MMP15: variants seen among roughly 807,000 people sequenced by gnomAD.
MMP15 encodes the protein matrix metalloproteinase-15.
Under a neutral mutation model 65.0 loss-of-function variants are expected in MMP15, and 36 were observed. That is an observed-to-expected ratio of 0.55 (90% CI 0.42 to 0.73). MMP15 has a LOEUF of 0.73. MMP15 is among the 30% of genes least tolerant of loss of function. The pLI, the probability that MMP15 is intolerant of heterozygous loss-of-function variation, is 0.00. For synonymous variants in MMP15, 428 were observed against 410.2 expected (o/e 1.04, Z -0.52); for missense variants, 870 against 987.8 (o/e 0.88, Z 1.60).
At chr16:58,040,252 G>A in intron 4 of MMP15, 70 bp downstream of exon 4, 1 of 1,493,152 alleles carries the variant, frequency 6.7e-7, no homozygotes, top group Non-Finnish European at 9.0e-7. Flanking sequence ...ACCCTGCTGA[G>A]TGGGTTCAGC....
chr16:58,045,552 C>A lies in MMP15; in HGVS notation c.*106C>A. On this transcript the variant is annotated 3_prime_UTR_variant, in exon 10 of 10. Transcript: ENST00000219271. ...GTAGGGGCCCCTCTCAGCCCTCACA[C>A]ACCCTGTCTGCCCCGCCCTCATTAT... is the stretch of plus-strand genomic sequence containing the variant. 1.1e-6 allele frequency: 1 copy of A among 887,822 alleles called. No homozygotes were observed. The highest frequency in any genetic ancestry group is 1.7e-6 in the Non-Finnish European group (1 of 599,364). The allele number at this position is 887,822 out of a possible 1,614,324, so 55.0% of individuals were successfully genotyped here. A position where few individuals can be genotyped will look rare whatever the true frequency, so the allele number is the denominator to read the frequency against.
intron 6 of MMP15, 89 bp downstream of exon 6, chr16:58,041,959 G>A (rs1397758512): frequency 1.4e-6 from 2 of 1,435,954 alleles, no homozygotes; most frequent in Non-Finnish European, 1.9e-6. Context: ...AGGCCCCGGG[G>A]AGCCATTAAG....
intron 3 of MMP15, 50 bp downstream of exon 3, chr16:58,038,444 C>T: frequency 1.2e-6 from 2 of 1,606,286 alleles, no homozygotes; most frequent in South Asian, 1.1e-5. Flanking sequence ...GCAGGCCGAG[C>T]CTCAGACCTC....
At chr16:58,029,303 CG>C (rs922614664) in intron 1 of MMP15, among the ~76,000 whole-genome samples, 2 of 152,094 alleles carry the variant, frequency 1.3e-5, no homozygotes, top group Non-Finnish European at 2.9e-5. Flanking sequence ...ATGCTGGCTC[CG>C]GGGGGGCCCC....
At chr16:58,034,112 C>G (rs1329835282) in intron 1 of MMP15, among the ~76,000 whole-genome samples, 1 of 152,260 alleles carries the variant, frequency 6.6e-6, no homozygotes, top group African/African-American at 2.4e-5. Context: ...GCCTCAGTTT[C>G]CTCACTTGAG....
chr16:58,027,307 G>A (rs1963836458), intron 1 of MMP15, among the ~76,000 whole-genome samples: 1 of 152,218 alleles, frequency 6.6e-6, no homozygotes, highest in Non-Finnish European at 1.5e-5. Context: ...GTGACCAGGC[G>A]CGACATCCCG....
intron 7 of MMP15, 77 bp from the exon 8 acceptor site, chr16:58,043,133 C>A: frequency 1.4e-6 from 2 of 1,382,218 alleles, no homozygotes; most frequent in Non-Finnish European, 1.9e-6. Context: ...TTTTGTGGGC[C>A]CAGAAGAGCA....
chr16:58,037,882 T>C (rs1032866478), intron 2 of MMP15, among the ~76,000 whole-genome samples: 2 of 152,104 alleles, frequency 1.3e-5, no homozygotes, highest in Non-Finnish European at 1.5e-5. Context: ...CAGGGGAGTG[T>C]GGAGGTACAG....
rs1488681335 is a variant in MMP15, at chr16:58,037,639, C to T, written c.311+19C>T. ...CCAAGGAGTGAGTTCCCCCCACCAT[C>T]CACACCCCACAGGCACCTGCCTTCC... On this transcript the variant is annotated intron_variant, in intron 2 of 9. Transcript: ENST00000219271. 6.2e-7 allele frequency: 1 copy of T among 1,613,856 alleles called. No homozygotes were observed.
chr16:58,040,634 G>A lies in MMP15; in HGVS notation c.846G>A (p.Gln282=), dbSNP rs1384194372. Residue 282 remains glutamine (Q), a synonymous_variant, in exon 5 of 10, where the codon CAG becomes CAA. Coordinates refer to ENST00000219271, the MANE Select transcript of MMP15 (RefSeq NM_002428.4). ...ATGCCATCATGGCGCCGTTCTACCA[G>A]TGGAAGGACGTTGACAACTTCAAGC... ...NPNAIMAPFY[Q]WKDVDNFKLP... is the part of the protein sequence containing the mutation. The A allele has an allele frequency of 1.2e-6, 2 of 1,614,224 alleles. No homozygotes were observed. Among genetic ancestry groups the A allele is most frequent in the Admixed American group, 1.7e-5 (1 of 60,038 alleles).
chr16:58,035,593 T>C (rs893546434), intron 1 of MMP15, among the ~76,000 whole-genome samples: 2 of 152,200 alleles, frequency 1.3e-5, no homozygotes, highest in Non-Finnish European at 2.9e-5. Flanking sequence ...ACCCAGGAGA[T>C]GAGGCAGGTC....
At position 58,043,250 on chromosome 16, in the gene MMP15, C is replaced by T. The variant is rs151142416; in HGVS notation, c.1344C>T (p.Pro448=). 1.8e-5 allele frequency: 29 copies of T among 1,601,004 alleles called. No homozygotes were observed. Among genetic ancestry groups the T allele is most frequent in the South Asian group, 1.0e-4 (9 of 89,176 alleles). ...TCTTTCGAGAAGCGAACCTGGAGCC[C>T]GGCTACCCACAGCCGCTGACCAGCT... The part of the protein sequence containing the change: ...YWLFREANLE[P]GYPQPLTSYG... The change falls in exon 8 of 10, where the codon CCC becomes CCT. Residue 448 remains proline, a synonymous_variant. Transcript: ENST00000219271.
In MMP15 at chr16:58,026,182, C is replaced by G. The variant is rs947197070; in HGVS notation, c.-169C>G. On this transcript the variant is annotated 5_prime_UTR_variant, in exon 1 of 10. Coordinates refer to ENST00000219271, the MANE Select transcript of MMP15 (RefSeq NM_002428.4). ...TCCCGGACCTGCCCTGCCCGCTTCT[C>G]CTCGGGCTTGGGAATTTGCCGAGGC... 1 of 687,690 alleles carries G rather than the reference C, an allele frequency of 1.5e-6. No homozygotes were observed. The highest frequency in any genetic ancestry group is 1.9e-5 in the African/African-American group (1 of 53,766). The allele number at this position is 687,690 out of a possible 1,614,324, so 42.6% of individuals were successfully genotyped here.
In MMP15 at chr16:58,045,464, TAA is replaced by T. The variant is rs1241758265; in HGVS notation, c.*19_*20del. ...GGGTCTGACCACCCAGCGCTCCTGC[TAA>T]CGGTGCTCAGGGGGCGCCTGTGGTT... On this transcript the variant is annotated 3_prime_UTR_variant, in exon 10 of 10. Transcript: ENST00000219271. The T allele has an allele frequency of 3.8e-5, 57 of 1,493,518 alleles. No individual in the cohort carries two copies. Among genetic ancestry groups the T allele is most frequent in the Non-Finnish European group, 4.7e-5 (53 of 1,119,880 alleles). 92.5% of individuals were successfully genotyped at this position (1,493,518 alleles called of 1,614,324 possible).
At position 58,026,258 on chromosome 16, in the gene MMP15, TGC is replaced by T; in HGVS notation, c.-92_-91del. On this transcript the variant is annotated 5_prime_UTR_variant, in exon 1 of 10. Transcript: ENST00000219271. ...GGGAGCCCGAGGTCCGCGGCGCGCC[TGC>T]CGGGCCAGGAGCCAGGGAGCGTCGC... The T allele has an allele frequency of 8.2e-7, 1 of 1,217,906 alleles. No individual in the cohort carries two copies. The highest frequency in any genetic ancestry group is 1.0e-6 in the Non-Finnish European group (1 of 974,062). The allele number at this position is 1,217,906 out of a possible 1,614,324, so 75.4% of individuals were successfully genotyped here.
At chr16:58,044,304 A>T (rs539143780) in intron 9 of MMP15, among the ~76,000 whole-genome samples, 15 of 152,300 alleles carry the variant, frequency 9.8e-5, no homozygotes, top group African/African-American at 3.6e-4. Flanking sequence ...TAAATCAGCC[A>T]GGTGTGGTGA....
Position 58,037,463 on chromosome 16 carries a change from T to A in MMP15, c.163-9T>A, listed in dbSNP as rs772898888. The A allele has an allele frequency of 1.2e-5, 19 of 1,613,254 alleles. No homozygotes were observed. The South Asian group carries it at 1.9e-4, about 16-fold the overall frequency. On this transcript the variant is annotated splice_polypyrimidine_tract_variant and intron_variant, in intron 1 of 9. Coordinates refer to ENST00000219271, the MANE Select transcript of MMP15 (RefSeq NM_002428.4). ...AGGACCTGCTGACAGAGTTGCGGCT[T>A]CTTTGCAGAACTGGCTGCGGCTTTA...
At position 58,026,315 on chromosome 16, in the gene MMP15, C is replaced by T. The variant is rs1236745699; in HGVS notation, c.-36C>T. 22 of 1,290,540 alleles carry T rather than the reference C, an allele frequency of 1.7e-5. No individual in the cohort carries two copies. The highest frequency in any genetic ancestry group is 2.0e-5 in the Non-Finnish European group (20 of 1,019,846). The allele number at this position is 1,290,540 out of a possible 1,614,324, so 79.9% of individuals were successfully genotyped here. A position where few individuals can be genotyped will look rare whatever the true frequency, so the allele number is the denominator to read the frequency against. ...TTCCAAGGCGCGTGCGAGGATCCGG[C>T]GTGCAGTGTTCCGAGCTGGGCTGGG... On this transcript the variant is annotated 5_prime_UTR_variant, in exon 1 of 10. Transcript: ENST00000219271.
chr16:58,034,567 G>A (rs1333470530), intron 1 of MMP15, among the ~76,000 whole-genome samples: 8 of 152,140 alleles, frequency 5.3e-5, no homozygotes, highest in South Asian at 2.1e-4. Flanking sequence ...GGTCAGGCAC[G>A]CTCTGCCAGC....
Sources: allele counts gnomAD v4.1 joint callset (sites outside exome capture counted in the v4.1 genomes callset), GRCh38; gene constraint gnomAD v4.1.1; transcripts MANE v1.5; gene names NCBI Gene and HGNC (gene_info 2026-07-23, HGNC 2026-07-21).